LEPR: variants seen among roughly 807,000 people sequenced by gnomAD.
LEPR encodes OB receptor.
A neutral mutation model predicts 114.7 loss-of-function variants in LEPR; 56 were observed. The ratio of observed to expected loss-of-function variants is 0.49; its 90% CI spans 0.39 to 0.61. The LOEUF (loss-of-function observed/expected upper bound fraction) is 0.61, where lower values mean the gene tolerates loss of function less well. LEPR is among the 20% of genes least tolerant of loss of function. The pLI, the probability that LEPR is intolerant of heterozygous loss-of-function variation, is 0.00. For synonymous variants in LEPR, 443 were observed against 461.4 expected (o/e 0.96, Z 0.51); for missense variants, 1,202 against 1,352.9 (o/e 0.89, Z 1.75).
intron 2 of LEPR, among the ~76,000 whole-genome samples, chr1:65,456,934 C>T (rs1371168581): frequency 6.6e-6 from 1 of 152,156 alleles, no homozygotes; most frequent in Non-Finnish European, 1.5e-5. Flanking sequence ...AAATACTTTA[C>T]ATGGTTCCAT....
intron 5 of LEPR, among the ~76,000 whole-genome samples, chr1:65,573,449 A>G (rs1286267221): frequency 6.6e-6 from 1 of 152,188 alleles, no homozygotes; most frequent in East Asian, 1.9e-4. Context: ...TATAAACTTA[A>G]AAATATGGGT....
intron 2 of LEPR, among the ~76,000 whole-genome samples, chr1:65,538,365 C>T (rs1650925678): frequency 6.6e-6 from 1 of 152,066 alleles, no homozygotes; most frequent in Admixed American, 6.6e-5. Flanking sequence ...ATCTATACTA[C>T]AGCTGCTATC....
intron 1 of LEPR, among the ~76,000 whole-genome samples, chr1:65,423,324 G>A (rs1252203369): frequency 6.6e-6 from 1 of 151,964 alleles, no homozygotes; most frequent in Non-Finnish European, 1.5e-5. Flanking sequence ...TGGATTTTTG[G>A]TCAACTCCAA....
At chr1:65,553,320 G>T (rs1652556170) in intron 2 of LEPR, among the ~76,000 whole-genome samples, 1 of 152,096 alleles carries the variant, frequency 6.6e-6, no homozygotes, top group Non-Finnish European at 1.5e-5. Flanking sequence ...TTTCCAACTT[G>T]GTTCTGTTCT....
In LEPR at chr1:65,616,062, C is replaced by T. The variant is rs908449032; in HGVS notation, c.2050C>T (p.His684Tyr). 3.1e-6 allele frequency: 5 copies of T among 1,614,058 alleles called. No homozygotes were observed. Among genetic ancestry groups the T allele is most frequent in the Non-Finnish European group, 3.4e-6 (4 of 1,180,022 alleles). Residue 684 changes from histidine to tyrosine, a missense_variant, in exon 15 of 20, where the codon CAT becomes TAT. Transcript: ENST00000349533. ...TGTTCAGAGATATGTGATAAACCATCATACTTCCTGCAATGGAACATGGTC... is the reference window on the plus strand; with the variant it reads ...TGTTCAGAGATATGTGATAAACCATTATACTTCCTGCAATGGAACATGGTC... ...CSVQRYVINH[H>Y]TSCNGTWSED...
chr1:65,444,373 G>A (rs1444287638), intron 2 of LEPR, among the ~76,000 whole-genome samples: 1 of 152,056 alleles, frequency 6.6e-6, no homozygotes, highest in African/African-American at 2.4e-5. Flanking sequence ...CCCTGCAGGA[G>A]CCTTTAGGAC....
chr1:65,468,285 T>A (rs1179770895), intron 2 of LEPR, among the ~76,000 whole-genome samples: 2 of 152,126 alleles, frequency 1.3e-5, no homozygotes, highest in African/African-American at 4.8e-5. Context: ...GGATATTTGG[T>A]TAGGAAACTC....
intron 2 of LEPR, among the ~76,000 whole-genome samples, chr1:65,501,728 A>C (rs1314606546): frequency 2.0e-5 from 3 of 151,992 alleles, no homozygotes. Context: ...CTCAGCAATT[A>C]TTTAAATAAT....
At chr1:65,502,771 G>T (rs1407407776) in intron 2 of LEPR, among the ~76,000 whole-genome samples, 1 of 151,912 alleles carries the variant, frequency 6.6e-6, no homozygotes, top group Non-Finnish European at 1.5e-5. Context: ...CAAGTTCAAA[G>T]ACCCTGATTT....
intron 2 of LEPR, among the ~76,000 whole-genome samples, chr1:65,452,262 C>T (rs528408423): frequency 1.3e-5 from 2 of 152,004 alleles, no homozygotes; most frequent in East Asian, 3.9e-4. Flanking sequence ...TAATTGAATA[C>T]CCTTTATTTC....
intron 2 of LEPR, among the ~76,000 whole-genome samples, chr1:65,488,222 C>CTTTCTT (rs1284234824): frequency 1.3e-3 from 94 of 70,752 alleles, no homozygotes; most frequent in African/African-American, 3.8e-3. Flanking sequence ...CTCTCTCTCT[C>CTTTCTT]TCTCTCTTTC....
chr1:65,564,277 C>T (rs1353577511), intron 2 of LEPR, among the ~76,000 whole-genome samples: 1 of 148,966 alleles, frequency 6.7e-6, no homozygotes, highest in Non-Finnish European at 1.5e-5. Context: ...TTAAGTCAGT[C>T]AGAAAAGCGC....
intron 5 of LEPR, chr1:65,576,978 G>T: frequency 3.2e-6 from 1 of 314,926 alleles, no homozygotes. Context: ...CATTATCGGT[G>T]ACTTTGTTGG....
rs1658744838 is a variant in LEPR at position 65,637,112 on chromosome 1, A to C, written c.*97A>C. 1 of 1,309,614 alleles carries C rather than the reference A, an allele frequency of 7.6e-7. No individual in the cohort carries two copies. The highest frequency in any genetic ancestry group is 2.4e-5 in the East Asian group (1 of 41,750). 81.1% of individuals were successfully genotyped at this position (1,309,614 alleles called of 1,614,324 possible). ...GGGAGAGAGAAAAGAAACCAGAGTC[A>C]AATTTGAAAATAATTGTTCCAAATG... On this transcript the variant is annotated 3_prime_UTR_variant, in exon 20 of 20. Transcript: ENST00000349533.
chr1:65,515,513 T>A (rs1201881663), intron 2 of LEPR, among the ~76,000 whole-genome samples: 2 of 152,214 alleles, frequency 1.3e-5, no homozygotes, highest in Admixed American at 1.3e-4. Flanking sequence ...TACAGTTTTA[T>A]TTTTACTTTT....
At chr1:65,604,660 C>T (rs1024751703) in intron 10 of LEPR, among the ~76,000 whole-genome samples, 9 of 152,200 alleles carry the variant, frequency 5.9e-5, no homozygotes, top group African/African-American at 1.9e-4. Context: ...CCCTGGGCCA[C>T]GGACCGGTAC....
At chr1:65,451,553 G>C (rs1465686334) in intron 2 of LEPR, among the ~76,000 whole-genome samples, 1 of 152,082 alleles carries the variant, frequency 6.6e-6, no homozygotes, top group Non-Finnish European at 1.5e-5. Context: ...CCCATTGCTT[G>C]TTTTTCTCAG....
At chr1:65,571,366 A>T (rs1266091489) in intron 4 of LEPR, among the ~76,000 whole-genome samples, 1 of 152,156 alleles carries the variant, frequency 6.6e-6, no homozygotes, top group East Asian at 1.9e-4. Flanking sequence ...AAAAAAAGAA[A>T]AGAAAAAAAT....
At chr1:65,585,850 CAG>C (rs1655277912) in intron 5 of LEPR, among the ~76,000 whole-genome samples, 1 of 151,896 alleles carries the variant, frequency 6.6e-6, no homozygotes, top group Non-Finnish European at 1.5e-5. Flanking sequence ...TTAGTAAAAA[CAG>C]AGTTCTTAAC....
Sources: gnomAD v4.1 joint callset for allele counts (sites outside exome capture counted in the v4.1 genomes callset) on GRCh38, gnomAD v4.1.1 for gene constraint, MANE v1.5 for transcripts, NCBI Gene and HGNC (gene_info 2026-07-23, HGNC 2026-07-21) for gene names.